The following TRDN variants were observed in gnomAD, a reference collection of about 807,000 sequenced individuals.
TRDN encodes the protein triadin in skeletal muscle.
In TRDN, 161 loss-of-function variants were observed where a neutral mutation model predicts 149.7. That is an observed-to-expected ratio of 1.08 (90% confidence interval 0.95 to 1.23). The LOEUF is 1.23. TRDN is among the 50% of genes most tolerant of loss of function. The pLI, the probability that TRDN is intolerant of heterozygous loss-of-function variation, is 0.00. For missense variants in TRDN, 896 were observed against 823.5 expected (o/e 1.09, Z -1.08); for synonymous variants, 294 against 250.5 (o/e 1.17, Z -1.64).
chr6:123,603,896 C>T (rs1784394905), intron 1 of TRDN, among the ~76,000 whole-genome samples: 1 of 152,158 alleles, frequency 6.6e-6, no homozygotes, highest in Non-Finnish European at 1.5e-5. Context: ...ATCTACTTTT[C>T]TCAAATGCAT....
intron 24 of TRDN, among the ~76,000 whole-genome samples, chr6:123,294,213 G>A (rs553049251): frequency 1.3e-5 from 2 of 152,182 alleles, no homozygotes; most frequent in South Asian, 4.2e-4. Flanking sequence ...ACATTCAAAA[G>A]GTCTATGAGA....
chr6:123,534,589 C>T (rs571277141), intron 4 of TRDN, among the ~76,000 whole-genome samples: 5 of 152,214 alleles, frequency 3.3e-5, no homozygotes, highest in Admixed American at 3.3e-4. Flanking sequence ...GAGGCAATGC[C>T]TGATTTGTTA....
At chr6:123,340,635 C>G (rs1780031848) in intron 21 of TRDN, among the ~76,000 whole-genome samples, 1 of 152,032 alleles carries the variant, frequency 6.6e-6, no homozygotes. Flanking sequence ...AAAACTCTCT[C>G]TCTCTTTCTC....
intron 23 of TRDN, among the ~76,000 whole-genome samples, chr6:123,317,780 T>G (rs1779083091): frequency 6.6e-6 from 1 of 151,922 alleles, no homozygotes; most frequent in Admixed American, 6.6e-5. Flanking sequence ...ATCTGATATG[T>G]GGTATATGAT....
intron 24 of TRDN, among the ~76,000 whole-genome samples, chr6:123,289,314 G>T (rs1239660334): frequency 6.6e-6 from 1 of 151,908 alleles, no homozygotes; most frequent in African/African-American, 2.4e-5. Context: ...GTGGTTACCA[G>T]AGGGTAGAGA....
At chr6:123,350,908 C>T in intron 21 of TRDN, 2 of 984,698 alleles carry the variant, frequency 2.0e-6, no homozygotes, top group Non-Finnish European at 2.4e-6. Flanking sequence ...GATCCTATCT[C>T]TAAGAACCAT....
chr6:123,297,070 A>G (rs979497426), intron 24 of TRDN, among the ~76,000 whole-genome samples: 61 of 152,266 alleles, frequency 4.0e-4, no homozygotes, highest in African/African-American at 1.4e-3. Flanking sequence ...ATTATCTGTA[A>G]CAGGGTCTGT....
chr6:123,366,425 A>G (rs1043213232), intron 19 of TRDN, among the ~76,000 whole-genome samples: 2 of 152,228 alleles, frequency 1.3e-5, no homozygotes, highest in Non-Finnish European at 2.9e-5. Flanking sequence ...GTAGGTAGTG[A>G]CCATAAAAGA....
intron 19 of TRDN, among the ~76,000 whole-genome samples, 161 bp from the exon 20 acceptor site, chr6:123,366,343 T>C (rs1781100039): frequency 6.6e-6 from 1 of 152,200 alleles, no homozygotes. Flanking sequence ...TATGATTTTT[T>C]CAATTAATAA....
chr6:123,369,179 T>C (rs1781227852), intron 19 of TRDN, among the ~76,000 whole-genome samples: 1 of 152,096 alleles, frequency 6.6e-6, no homozygotes, highest in South Asian at 2.1e-4. Flanking sequence ...GTTGCTGCAA[T>C]TTCTGCTTTT....
chr6:123,335,130 A>G (rs572318143), intron 22 of TRDN, among the ~76,000 whole-genome samples: 2 of 151,944 alleles, frequency 1.3e-5, no homozygotes, highest in Non-Finnish European at 2.9e-5. Context: ...TAATATTAAA[A>G]TTTTGTCTTT....
intron 17 of TRDN, 42 bp from the exon 18 acceptor site, chr6:123,377,784 C>T (rs761531710): frequency 1.9e-6 from 3 of 1,611,080 alleles, no homozygotes; most frequent in Non-Finnish European, 2.5e-6. Context: ...CATTCTATGT[C>T]ATTCAATTGT....
At chr6:123,620,523 C>G (rs1377963065) in intron 1 of TRDN, among the ~76,000 whole-genome samples, 2 of 151,932 alleles carry the variant, frequency 1.3e-5, no homozygotes, top group Non-Finnish European at 2.9e-5. Flanking sequence ...CCATGCTCTT[C>G]ACAGAGTTTT....
At chr6:123,527,622 C>G (rs771109024) in intron 5 of TRDN, among the ~76,000 whole-genome samples, 10 of 151,810 alleles carry the variant, frequency 6.6e-5, no homozygotes, top group South Asian at 2.1e-4. Context: ...TGCCTGTTCC[C>G]CAGGGGCCAT....
chr6:123,249,765 A>G (rs9791282), intron 38 of TRDN, among the ~76,000 whole-genome samples: 3 of 151,804 alleles, frequency 2.0e-5, no homozygotes, highest in African/African-American at 7.3e-5. Context: ...AATAATAGAC[A>G]TGATGATTTC....
chr6:123,530,143 G>A (rs928743702), intron 5 of TRDN, among the ~76,000 whole-genome samples: 3 of 151,520 alleles, frequency 2.0e-5, no homozygotes, highest in Non-Finnish European at 4.4e-5. Context: ...ATGACAGAAG[G>A]AATTCAGGTT....
chr6:123,462,675 G>A (rs1031861385), intron 10 of TRDN: 3 of 151,732 alleles, frequency 2.0e-5, no homozygotes, highest in Non-Finnish European at 2.9e-5. Flanking sequence ...CCACATGAAA[G>A]TTCCTCCTTT....
chr6:123,617,798 G>T (rs1400572145), intron 1 of TRDN, among the ~76,000 whole-genome samples: 1 of 152,102 alleles, frequency 6.6e-6, no homozygotes, highest in African/African-American at 2.4e-5. Flanking sequence ...GAGTGAAGTG[G>T]TGCGATGTTG....
At chr6:123,562,421 C>T (rs140806944) in intron 2 of TRDN, among the ~76,000 whole-genome samples, 409 of 152,292 alleles carry the variant, frequency 2.7e-3, no homozygotes, top group African/African-American at 9.6e-3. Context: ...CCCTCACAAA[C>T]AGAATTAGTG....
Sources: allele counts gnomAD v4.1 joint callset (sites outside exome capture counted in the v4.1 genomes callset), GRCh38; gene constraint gnomAD v4.1.1; transcripts MANE v1.5; gene names NCBI Gene and HGNC (gene_info 2026-07-23, HGNC 2026-07-21).